Variants in HHIP observed in about 807,000 individuals in gnomAD.
The protein encoded by HHIP is hedgehog interacting protein, also known as hedgehog-interacting protein.
Under a neutral mutation model 74.0 loss-of-function variants are expected in HHIP, and 12 were observed. The ratio of observed to expected loss-of-function variants is 0.16; its 90% CI spans 0.10 to 0.26. The LOEUF is 0.26. HHIP is among the 10% of genes least tolerant of loss of function. HHIP has a pLI of 1.00. For missense variants in HHIP, 788 were observed against 845.0 expected (o/e 0.93, Z 0.84); for synonymous variants, 309 against 311.6 (o/e 0.99, Z 0.09).
chr4:144,671,939 A>G (rs1164173616), intron 4 of HHIP, among the ~76,000 whole-genome samples: 2 of 152,160 alleles, frequency 1.3e-5, no homozygotes, highest in Admixed American at 6.5e-5. Flanking sequence ...AGCCGAGATC[A>G]TGCCATTGCA....
intron 4 of HHIP, among the ~76,000 whole-genome samples, chr4:144,679,657 C>T (rs975209397): frequency 3.9e-5 from 6 of 151,966 alleles, no homozygotes; most frequent in Non-Finnish European, 5.9e-5. Context: ...TGTTTTCATC[C>T]GGTTTGTCAA....
chr4:144,697,820 T>C (rs994803099), intron 4 of HHIP, among the ~76,000 whole-genome samples: 2 of 152,044 alleles, frequency 1.3e-5, no homozygotes, highest in African/African-American at 4.8e-5. Context: ...CATTCATATA[T>C]GGAATAAGAA....
intron 4 of HHIP, among the ~76,000 whole-genome samples, chr4:144,697,728 AC>A (rs1729860041): frequency 6.6e-6 from 1 of 152,116 alleles, no homozygotes; most frequent in African/African-American, 2.4e-5. Context: ...TATATACATA[AC>A]ATTGTGACTC....
At chr4:144,657,775 C>T (rs1728593677) in intron 2 of HHIP, among the ~76,000 whole-genome samples, 3 of 152,060 alleles carry the variant, frequency 2.0e-5, no homozygotes, top group Admixed American at 1.3e-4. Context: ...GTTGATATGT[C>T]AGCTTTTCTG....
At chr4:144,733,090 T>C (rs1731006962) in intron 11 of HHIP, among the ~76,000 whole-genome samples, 1 of 152,180 alleles carries the variant, frequency 6.6e-6, no homozygotes, top group Admixed American at 6.6e-5. Context: ...AAGGCGAAGA[T>C]TGTGTCCTTA....
chr4:144,659,899 C>A, intron 4 of HHIP, 61 bp downstream of exon 4: 1 of 1,208,924 alleles, frequency 8.3e-7, no homozygotes, highest in South Asian at 1.3e-5. Context: ...TTTAGTGTTA[C>A]CTTCCTCACT....
intron 4 of HHIP, among the ~76,000 whole-genome samples, chr4:144,700,175 C>T (rs1002523892): frequency 1.3e-5 from 2 of 152,158 alleles, no homozygotes; most frequent in African/African-American, 2.4e-5. Context: ...AGTTTCACTT[C>T]GTTTTGAAGA....
In HHIP at chr4:144,709,696, T is replaced by A. The variant is rs1182028977; in HGVS notation, c.1301+1385T>A. 3.3e-5 allele frequency among the ~76,000 whole-genome samples: 5 copies of A among 152,166 alleles called. 1 individual carries two copies. The East Asian group carries it at 9.6e-4, about 29-fold the overall frequency. On this transcript the variant is annotated intron_variant, in intron 7 of 12. Transcript: ENST00000296575. ...TTGCTGTGGGGTGCTGAACTAAGTA[T>A]CTTGTGTACTTTATCTCCTCTCTGC...
chr4:144,652,802 GA>G lies in HHIP; in HGVS notation c.472+14del, dbSNP rs3215015. The G allele has an allele frequency of 0.34, 526,263 of 1,532,590 alleles. 94,467 individuals are homozygous for G. The highest frequency in any genetic ancestry group is 0.38 in the Non-Finnish European group (427,661 of 1,134,626). 94.9% of individuals were successfully genotyped at this position (1,532,590 alleles called of 1,614,324 possible). A position where few individuals can be genotyped will look rare whatever the true frequency, so the allele number is the denominator to read the frequency against. On this transcript the variant is annotated splice_donor_region_variant and intron_variant, in intron 2 of 12. Transcript: ENST00000296575. ...CTTGCCGAGGCCATATTCCAGGTAAGAAAAAAAAATGCATAAGTAAAATAAA... is the reference window on the plus strand; with the variant it reads ...CTTGCCGAGGCCATATTCCAGGTAAGAAAAAAAATGCATAAGTAAAATAAA...
intron 4 of HHIP, among the ~76,000 whole-genome samples, chr4:144,705,852 C>T (rs1199297636): frequency 6.6e-6 from 1 of 152,038 alleles, no homozygotes; most frequent in East Asian, 1.9e-4. Flanking sequence ...CCCACTCCTT[C>T]CCCAGCCGTG....
In HHIP at chr4:144,738,767, T is replaced by C; in HGVS notation, c.*810T>C. 1 of 805,726 alleles carries C rather than the reference T, an allele frequency of 1.2e-6. No homozygotes were observed. Among genetic ancestry groups the C allele is most frequent in the Non-Finnish European group, 1.5e-6 (1 of 665,842 alleles). 49.9% of individuals were successfully genotyped at this position (805,726 alleles called of 1,614,324 possible). Reference sequence around the variant, plus strand: ...TACCCTGTCCTGTAAAACACTAAAGTTACATTTTTCACCAACTTAATTGGA... The same window carrying C: ...TACCCTGTCCTGTAAAACACTAAAGCTACATTTTTCACCAACTTAATTGGA... On this transcript the variant is annotated 3_prime_UTR_variant, in exon 13 of 13. Transcript: ENST00000296575.
chr4:144,675,475 AT>A (rs1294029204), intron 4 of HHIP, among the ~76,000 whole-genome samples: 1 of 151,982 alleles, frequency 6.6e-6, no homozygotes, highest in Non-Finnish European at 1.5e-5. Context: ...AAAAACCCTT[AT>A]TTGGCTATAT....
chr4:144,652,773 T>C lies in HHIP; in HGVS notation c.448T>C (p.Tyr150His), dbSNP rs1322361377. The change falls in exon 2 of 13, where the codon TAC (tyrosine) becomes CAC (histidine). Residue 150 changes from tyrosine to histidine, a missense_variant. Around this residue, in one of 3 missense-constraint regions of HHIP, gnomAD observed 373 missense variants for 366.4 expected, o/e 1.02. Coordinates refer to ENST00000296575, the MANE Select transcript of HHIP (RefSeq NM_022475.3). ...LCKDYCKEFF[Y>H]TCRGHIPGFL... ...CAAAGACTATTGCAAAGAATTCTTT[T>C]ACACTTGCCGAGGCCATATTCCAGG... 1 of 1,598,578 alleles carries C rather than the reference T, an allele frequency of 6.3e-7. No homozygotes were observed. The highest frequency in any genetic ancestry group is 1.4e-5 in the African/African-American group (1 of 73,966).
chr4:144,685,878 C>T (rs912582321), intron 4 of HHIP, among the ~76,000 whole-genome samples: 4 of 152,180 alleles, frequency 2.6e-5, no homozygotes, highest in African/African-American at 9.7e-5. Flanking sequence ...ATGCAGTTCA[C>T]TATATTAAGC....
At chr4:144,706,293 G>A (rs1351169453) in intron 4 of HHIP, among the ~76,000 whole-genome samples, 1 of 152,182 alleles carries the variant, frequency 6.6e-6, no homozygotes, top group Non-Finnish European at 1.5e-5. Flanking sequence ...CAAAAGTGGT[G>A]TAAGACTCTT....
chr4:144,706,002 C>T (rs183971285), intron 4 of HHIP, among the ~76,000 whole-genome samples: 6 of 152,338 alleles, frequency 3.9e-5, no homozygotes, highest in African/African-American at 7.2e-5. Context: ...AGACCACCAT[C>T]GTTGTGACAA....
At chr4:144,651,031 C>T (rs1463091490) in intron 1 of HHIP, 1 of 152,048 alleles carries the variant, frequency 6.6e-6, no homozygotes, top group Admixed American at 6.6e-5. Context: ...TCTTAGTGGA[C>T]TGCCATATGA....
rs141283379 is a variant in HHIP at position 144,726,666 on chromosome 4, A to C, written c.1760+7710A>C. Among the ~76,000 whole-genome samples, 218 of 152,312 alleles carry C rather than the reference A, an allele frequency of 1.4e-3. 1 individual carries two copies. The highest frequency in any genetic ancestry group is 4.4e-3 in the African/African-American group (184 of 41,570). On this transcript the variant is annotated intron_variant, in intron 11 of 12. Transcript: ENST00000296575. ...ATATACAAAAGAGAATATCAGCACA[A>C]CATGAAAGTAGTTATGTAGCTTTTC...
Position 144,646,347 on chromosome 4 carries a change from C to T in HHIP, c.-329C>T. The T allele has an allele frequency of 3.8e-6, 1 of 265,024 alleles. No homozygotes were observed. Among genetic ancestry groups the T allele is most frequent in the Non-Finnish European group, 7.1e-6 (1 of 140,792 alleles). The allele number at this position is 265,024 out of a possible 1,614,324, so 16.4% of individuals were successfully genotyped here. On this transcript the variant is annotated 5_prime_UTR_variant, in exon 1 of 13. Transcript: ENST00000296575. Reference sequence around the variant, plus strand: ...GTGGCTGTCCTCTCCTTTTCTTCCTCCTCTTCCAACTCCTTCTCCTCCTCC... The same window carrying T: ...GTGGCTGTCCTCTCCTTTTCTTCCTTCTCTTCCAACTCCTTCTCCTCCTCC...
Sources: gnomAD v4.1 joint callset for allele counts (sites outside exome capture counted in the v4.1 genomes callset) on GRCh38, gnomAD v4.1.1 for gene constraint, gnomAD v4.1.1 regional missense constraint, MANE v1.5 for transcripts, NCBI Gene and HGNC (gene_info 2026-07-23, HGNC 2026-07-21) for gene names.